SRPK2: variants seen among roughly 807,000 people sequenced by gnomAD.
SRPK2 encodes the protein SRSF protein kinase 2, also known as SFRS protein kinase 2.
A neutral mutation model predicts 90.8 loss-of-function variants in SRPK2; 21 were observed. The ratio of observed to expected loss-of-function variants is 0.23; its 90% CI spans 0.16 to 0.33. The LOEUF (loss-of-function observed/expected upper bound fraction) is 0.33. SRPK2 is among the 10% of genes least tolerant of loss of function. The pLI, the probability that SRPK2 is intolerant of heterozygous loss-of-function variation, is 1.00. For missense variants in SRPK2, 620 were observed against 869.0 expected, an observed-to-expected ratio of 0.71 and a Z score of 3.60; for synonymous variants, 288 against 311.1, an observed-to-expected ratio of 0.93 and a Z score of 0.78.
At chr7:105,258,433 A>G (rs985941954) in intron 2 of SRPK2, among the ~76,000 whole-genome samples, 48 of 138,646 alleles carry the variant, frequency 3.5e-4, no homozygotes, top group Admixed American at 8.0e-4. Flanking sequence ...AAAAAAAAAA[A>G]AAGAAAGAAA....
chr7:105,374,054 A>G (rs1820010539), intron 2 of SRPK2, among the ~76,000 whole-genome samples: 1 of 152,046 alleles, frequency 6.6e-6, no homozygotes, highest in African/African-American at 2.4e-5. Context: ...CAGCCTCCCA[A>G]GTAGCTGGGA....
At chr7:105,363,712 G>T (rs923335785) in intron 2 of SRPK2, among the ~76,000 whole-genome samples, 22 of 152,090 alleles carry the variant, frequency 1.4e-4, no homozygotes, top group African/African-American at 5.3e-4. Context: ...CATGCTACTA[G>T]GCTTACTACA....
intron 2 of SRPK2, among the ~76,000 whole-genome samples, chr7:105,328,297 C>T (rs948206961): frequency 6.6e-6 from 1 of 152,092 alleles, no homozygotes; most frequent in Non-Finnish European, 1.5e-5. Flanking sequence ...GGCAGTGGCT[C>T]ACACCTGTAA....
chr7:105,332,152 T>C (rs948583006), intron 2 of SRPK2, among the ~76,000 whole-genome samples: 1 of 151,822 alleles, frequency 6.6e-6, no homozygotes, highest in Non-Finnish European at 1.5e-5. Context: ...AAACACAGCT[T>C]CCCACACAAC....
intron 3 of SRPK2, among the ~76,000 whole-genome samples, chr7:105,199,080 C>T (rs1038743660): frequency 1.3e-5 from 2 of 152,144 alleles, no homozygotes; most frequent in Non-Finnish European, 2.9e-5. Flanking sequence ...CTTATTAAAA[C>T]AGCTGAGGGT....
chr7:105,168,302 C>T (rs191404968), intron 4 of SRPK2, among the ~76,000 whole-genome samples: 1 of 152,230 alleles, frequency 6.6e-6, no homozygotes, highest in Admixed American at 6.5e-5. Context: ...TTGCATGTTG[C>T]ACAAGATTAT....
chr7:105,205,878 T>C (rs1796168094), intron 2 of SRPK2: 6 of 514,536 alleles, frequency 1.2e-5, no homozygotes, highest in Admixed American at 9.8e-5. Context: ...AAGCTAGCTG[T>C]TTCTTCCTAA....
chr7:105,324,382 G>C (rs920780476), intron 2 of SRPK2, among the ~76,000 whole-genome samples: 15 of 151,730 alleles, frequency 9.9e-5, no homozygotes, highest in African/African-American at 3.1e-4. Flanking sequence ...GAGTGCAATG[G>C]CGCGATCTCA....
chr7:105,197,255 T>G (rs1795028513), intron 3 of SRPK2, among the ~76,000 whole-genome samples: 1 of 152,122 alleles, frequency 6.6e-6, no homozygotes, highest in South Asian at 2.1e-4. Flanking sequence ...AGGAAGAAAC[T>G]CATCTGACAT....
At chr7:105,253,870 C>T (rs1396937782) in intron 2 of SRPK2, among the ~76,000 whole-genome samples, 1 of 150,452 alleles carries the variant, frequency 6.6e-6, no homozygotes, top group Non-Finnish European at 1.5e-5. Context: ...GTTAGAGAAT[C>T]TTAATTCCTG....
chr7:105,167,012 C>T (rs867834891), intron 6 of SRPK2, among the ~76,000 whole-genome samples: 1 of 152,198 alleles, frequency 6.6e-6, no homozygotes, highest in Non-Finnish European at 1.5e-5. Context: ...CTGGGGCACA[C>T]ACAGATTGTC....
intron 7 of SRPK2, among the ~76,000 whole-genome samples, chr7:105,147,774 T>C (rs1453620769): frequency 6.6e-6 from 1 of 152,244 alleles, no homozygotes; most frequent in Non-Finnish European, 1.5e-5. Flanking sequence ...TGGAATCATA[T>C]AAAGTATTTT....
chr7:105,396,019 G>A (rs1368710744), intron 1 of SRPK2, among the ~76,000 whole-genome samples: 2 of 151,900 alleles, frequency 1.3e-5, no homozygotes, highest in Non-Finnish European at 2.9e-5. Flanking sequence ...AGGTTCAAGC[G>A]ATTCTCCTGC....
intron 2 of SRPK2, among the ~76,000 whole-genome samples, chr7:105,287,240 G>A (rs1447396871): frequency 7.5e-5 from 10 of 134,170 alleles, no homozygotes; most frequent in Non-Finnish European, 1.1e-4. Context: ...CAGCCTGGGC[G>A]ACAGAGCGAG....
At chr7:105,319,874 T>C (rs1008318090) in intron 2 of SRPK2, among the ~76,000 whole-genome samples, 4 of 151,710 alleles carry the variant, frequency 2.6e-5, no homozygotes, top group Non-Finnish European at 5.9e-5. Flanking sequence ...TTTTTTTTTT[T>C]TGTCTATAAA....
At chr7:105,127,513 A>G (rs183436786) in intron 13 of SRPK2, among the ~76,000 whole-genome samples, 1 of 152,364 alleles carries the variant, frequency 6.6e-6, no homozygotes. Context: ...TTTAGTAACC[A>G]AGGACTATTT....
chr7:105,212,976 G>A (rs539909089), intron 2 of SRPK2, among the ~76,000 whole-genome samples: 1 of 152,232 alleles, frequency 6.6e-6, no homozygotes, highest in African/African-American at 2.4e-5. Context: ...CTAGGTGATG[G>A]AATCTAGACA....
chr7:105,188,252 TGA>T (rs1201731234), intron 3 of SRPK2, among the ~76,000 whole-genome samples: 2 of 151,976 alleles, frequency 1.3e-5, no homozygotes, highest in East Asian at 3.8e-4. Context: ...ACACAAAAAG[TGA>T]TGTATTGTGT....
intron 3 of SRPK2, among the ~76,000 whole-genome samples, chr7:105,176,763 G>A (rs1269462467): frequency 6.6e-6 from 1 of 151,390 alleles, no homozygotes; most frequent in Non-Finnish European, 1.5e-5. Context: ...GTGTGTGTGT[G>A]TGTGTGTGTG....
Sources: gnomAD v4.1 joint callset for allele counts (sites outside exome capture counted in the v4.1 genomes callset) on GRCh38, gnomAD v4.1.1 for gene constraint, MANE v1.5 for transcripts, NCBI Gene and HGNC (gene_info 2026-07-23, HGNC 2026-07-21) for gene names.